The following SGSM2 variants were observed in gnomAD, a reference collection of about 807,000 sequenced individuals.
SGSM2 encodes the protein RUN and TBC1 domain containing 1.
In SGSM2, 89 loss-of-function variants were observed where a neutral mutation model predicts 126.6. That is an observed-to-expected ratio of 0.70 (90% confidence interval 0.59 to 0.84). The LOEUF is 0.84. Among genes scored for constraint, SGSM2 ranks in the 40% least tolerant of loss-of-function variants. The pLI is 0.00. For missense variants in SGSM2, 1,404 were observed against 1,416.6 expected, an observed-to-expected ratio of 0.99 and a Z score of 0.14; for synonymous variants, 614 against 574.3, an observed-to-expected ratio of 1.07 and a Z score of -0.99.
chr17:2,365,157 G>A, intron 10 of SGSM2, 58 bp from the exon 11 acceptor site: 2 of 1,589,642 alleles, frequency 1.3e-6, no homozygotes, highest in Middle Eastern at 1.7e-4. Context: ...GGCCTTGTGT[G>A]GAACCCTGGA....
At chr17:2,373,868 T>C (rs2066002707) in intron 17 of SGSM2, 1 of 228,632 alleles carries the variant, frequency 4.4e-6, no homozygotes, top group African/African-American at 2.3e-5. Flanking sequence ...ACAAGCTGAA[T>C]GTCTCTGGGC....
intron 17 of SGSM2, 191 bp downstream of exon 17, chr17:2,373,704 T>C (rs990311993): frequency 5.0e-6 from 3 of 594,234 alleles, no homozygotes; most frequent in South Asian, 4.1e-5. Context: ...CTCTGGGTAT[T>C]GTAGGAATAA....
intron 17 of SGSM2, among the ~76,000 whole-genome samples, chr17:2,374,800 T>C (rs554140886): frequency 2.6e-5 from 4 of 152,358 alleles, no homozygotes; most frequent in African/African-American, 7.2e-5. Flanking sequence ...ACCCAGCACT[T>C]CATGCTTCCT....
At chr17:2,370,688 T>G (rs2065827233) in intron 12 of SGSM2, among the ~76,000 whole-genome samples, 1 of 152,218 alleles carries the variant, frequency 6.6e-6, no homozygotes, top group African/African-American at 2.4e-5. Context: ...CACGGGGCAC[T>G]GCTCATCCGT....
Position 2,364,098 on chromosome 17 carries a change from C to T in SGSM2, c.847C>T (p.His283Tyr), listed in dbSNP as rs1267264573. ...GGCGGTCCCTGGCTACCTCTCCCTG[C>T]ACCAGTCTGCAGAGAGCCTGACTCT... ...MEAVPGYLSL[H>Y]QSAESLTLKW... Residue 283 changes from histidine to tyrosine, a missense_variant, in exon 8 of 24, where the codon CAC (histidine) becomes TAC (tyrosine). By Grantham distance (83) the His-to-Tyr change is moderately conservative. Transcript: ENST00000268989. 4 of 1,614,094 alleles carry T rather than the reference C, an allele frequency of 2.5e-6. No homozygotes were observed. The highest frequency in any genetic ancestry group is 3.4e-6 in the Non-Finnish European group (4 of 1,180,024).
chr17:2,376,324 A>C (rs118187687), intron 19 of SGSM2, 63 bp downstream of exon 19: 122,768 of 1,536,560 alleles, frequency 0.08, 5,519 homozygotes, highest in Non-Finnish European at 0.095. Flanking sequence ...CTCTGTGAAG[A>C]TGAGGTCCGG....
Position 2,380,363 on chromosome 17 carries a change from C to CT in SGSM2, c.*844dup. On this transcript the variant is annotated 3_prime_UTR_variant, in exon 24 of 24. Transcript: ENST00000268989. Reference sequence around the variant, plus strand: ...TGCTCTGAGGAATCCCAGGGTGACTCTGTCGGGGAAGAATCCGGTCACAGC... The same window carrying CT: ...TGCTCTGAGGAATCCCAGGGTGACTCTTGTCGGGGAAGAATCCGGTCACAGC... 2.7e-6 allele frequency: 4 copies of CT among 1,480,678 alleles called. No homozygotes were observed. The highest frequency in any genetic ancestry group is 3.6e-6 in the Non-Finnish European group (4 of 1,096,880). 91.7% of individuals were successfully genotyped at this position (1,480,678 alleles called of 1,614,324 possible). A position where few individuals can be genotyped will look rare whatever the true frequency, so the allele number is the denominator to read the frequency against.
rs2065485540 is a variant in SGSM2 at position 2,364,879 on chromosome 17, C to T, written c.1001-18C>T. ...CCGACGAGAGGGCCTCAGCCGCACT[C>T]TCCACGTTCACCCCCAGAGAGCGGT... On this transcript the variant is annotated intron_variant, in intron 9 of 23. Coordinates refer to ENST00000268989, the MANE Select transcript of SGSM2 (RefSeq NM_014853.3). 6.2e-7 allele frequency: 1 copy of T among 1,605,694 alleles called. No individual in the cohort carries two copies. Among genetic ancestry groups the T allele is most frequent in the African/African-American group, 1.3e-5 (1 of 74,926 alleles).
Position 2,372,011 on chromosome 17 carries a change from T to C in SGSM2, c.1578-179T>C. The C allele has an allele frequency of 1.4e-6, 1 of 696,582 alleles. No homozygotes were observed. The highest frequency in any genetic ancestry group is 2.4e-6 in the Non-Finnish European group (1 of 418,290). 43.2% of individuals were successfully genotyped at this position (696,582 alleles called of 1,614,324 possible). On this transcript the variant is annotated intron_variant, in intron 13 of 23. Coordinates refer to ENST00000268989, the MANE Select transcript of SGSM2 (RefSeq NM_014853.3). The surrounding 1 kb of genome is among the most constrained non-coding windows in gnomAD (Gnocchi z 6.0). ...GGGCCAGGCGGGGGCCCCACAGCAC[T>C]CTGTCCAGGTGGCAGGCAGGGACAG...
chr17:2,374,675 C>G (rs974834029), intron 17 of SGSM2: 1 of 152,230 alleles, frequency 6.6e-6, no homozygotes, highest in African/African-American at 2.4e-5. Flanking sequence ...CACATTCTCC[C>G]TCTCTCTGGC....
chr17:2,351,967 C>T (rs1398290510), intron 2 of SGSM2, among the ~76,000 whole-genome samples: 1 of 152,094 alleles, frequency 6.6e-6, no homozygotes, highest in African/African-American at 2.4e-5. Context: ...ACCGCAGAAA[C>T]GCTCATCTGA....
At chr17:2,369,167 A>C (rs920446596) in intron 12 of SGSM2, among the ~76,000 whole-genome samples, 14 of 151,942 alleles carry the variant, frequency 9.2e-5, no homozygotes, top group African/African-American at 3.4e-4. Flanking sequence ...GGGGCCCCCC[A>C]CCTCCACTCC....
rs778147386 is a variant in SGSM2, at chr17:2,337,777, G to C, written c.57+32G>C. 5.4e-6 allele frequency: 8 copies of C among 1,492,872 alleles called. No individual in the cohort carries two copies. Among genetic ancestry groups the C allele is most frequent in the Non-Finnish European group, 7.2e-6 (8 of 1,113,066 alleles). The allele number at this position is 1,492,872 out of a possible 1,614,324, so 92.5% of individuals were successfully genotyped here. ...TCGAGTCAAGAACCCCGGGGGGCTCGCGCCCTGGCCCGCGCGGCCCAGGGG... is the reference window on the plus strand; with the variant it reads ...TCGAGTCAAGAACCCCGGGGGGCTCCCGCCCTGGCCCGCGCGGCCCAGGGG... On this transcript the variant is annotated intron_variant, in intron 1 of 23. Coordinates refer to ENST00000268989, the MANE Select transcript of SGSM2 (RefSeq NM_014853.3). This position sits in a 1 kb window ranked among gnomAD's most constrained non-coding sequence, Gnocchi z 5.1.
intron 2 of SGSM2, among the ~76,000 whole-genome samples, chr17:2,347,933 C>A (rs1226494984): frequency 6.6e-6 from 1 of 152,166 alleles, no homozygotes; most frequent in Non-Finnish European, 1.5e-5. Context: ...TCCCCACCCC[C>A]CAGGGATTGG....
Position 2,373,048 on chromosome 17 carries a change from C to T in SGSM2, c.1884C>T (p.Tyr628=), listed in dbSNP as rs982375083. The change falls in exon 16 of 24, where the codon TAC becomes TAT. Residue 628 remains tyrosine (Y), a synonymous_variant. Transcript: ENST00000268989. ...KDVWPFLLGH[Y]KFGMSKKEME... ...TCTGGCCCTTTCTGCTTGGCCACTA[C>T]AAGTTCGGCATGAGCAAGAAGGAGA... is the stretch of plus-strand genomic sequence containing the variant. The T allele has an allele frequency of 1.9e-6, 3 of 1,609,528 alleles. No individual in the cohort carries two copies. The highest frequency in any genetic ancestry group is 2.7e-5 in the African/African-American group (2 of 74,568).
At chr17:2,377,792 G>A (rs1340390498) in intron 21 of SGSM2, 65 bp from the exon 22 acceptor site, 1 of 1,066,990 alleles carries the variant, frequency 9.4e-7, no homozygotes, top group Non-Finnish European at 1.4e-6. Flanking sequence ...AGCGGACGGT[G>A]AGTGGCGGCC....
Position 2,337,640 on chromosome 17 carries a change from G to A in SGSM2, c.-49G>A. ...CTGAGCCGAGAGGCGCGGAGGCGGCGAGGGCGCGGGGGCTCTGAGGACCGC... is the reference window on the plus strand; with the variant it reads ...CTGAGCCGAGAGGCGCGGAGGCGGCAAGGGCGCGGGGGCTCTGAGGACCGC... On this transcript the variant is annotated 5_prime_UTR_variant, in exon 1 of 24. Coordinates refer to ENST00000268989, the MANE Select transcript of SGSM2 (RefSeq NM_014853.3). The surrounding 1 kb of genome is among the most constrained non-coding windows in gnomAD (Gnocchi z 5.1). 7.5e-7 allele frequency: 1 copy of A among 1,339,466 alleles called. No homozygotes were observed. The highest frequency in any genetic ancestry group is 9.8e-7 in the Non-Finnish European group (1 of 1,021,954). The allele number at this position is 1,339,466 out of a possible 1,614,324, so 83.0% of individuals were successfully genotyped here.
In SGSM2 at chr17:2,372,454, A is replaced by G. The variant is rs765950322; in HGVS notation, c.1754A>G (p.Lys585Arg). 1.2e-6 allele frequency: 2 copies of G among 1,601,506 alleles called. No homozygotes were observed. Among genetic ancestry groups the G allele is most frequent in the Non-Finnish European group, 1.7e-6 (2 of 1,176,522 alleles). The change falls in exon 15 of 24, where the codon AAG becomes AGG. Residue 585 changes from lysine to arginine, a missense_variant. Physicochemically the swap from Lys to Arg is conservative, Grantham distance 26. Coordinates refer to ENST00000268989, the MANE Select transcript of SGSM2 (RefSeq NM_014853.3). This position sits in a 1 kb window ranked among gnomAD's most constrained non-coding sequence, Gnocchi z 6.0. ...RPPGASAGLT[K>R]DVWSKYQKDK... is the part of the protein sequence containing the mutation. Reference sequence around the variant, plus strand: ...CCGGGGGCCTCCGCGGGCCTCACCAAGGACGTGTGGAGCAAGTATCAGAAG... The same window carrying G: ...CCGGGGGCCTCCGCGGGCCTCACCAGGGACGTGTGGAGCAAGTATCAGAAG...
chr17:2,364,253 A>G, intron 8 of SGSM2, 70 bp downstream of exon 8: 1 of 1,592,728 alleles, frequency 6.3e-7, no homozygotes, highest in African/African-American at 1.3e-5. Context: ...AGAGGGATGG[A>G]GAAACCCCGC....
Sources: gnomAD v4.1 joint callset for allele counts (sites outside exome capture counted in the v4.1 genomes callset) on GRCh38, gnomAD v4.1.1 for gene constraint, Gnocchi (gnomAD v3.1) non-coding constraint, MANE v1.5 for transcripts, NCBI Gene and HGNC (gene_info 2026-07-23, HGNC 2026-07-21) for gene names.